FGFR3: variants seen among roughly 807,000 people sequenced by gnomAD.
The protein encoded by FGFR3 is FGFR-3.
Under a neutral mutation model 82.9 loss-of-function variants are expected in FGFR3, and 25 were observed. That is an observed-to-expected ratio of 0.30 (90% CI 0.22 to 0.42). The LOEUF (loss-of-function observed/expected upper bound fraction) is 0.42, where lower values mean the gene tolerates loss of function less well. Among genes scored for constraint, FGFR3 ranks in the 10% least tolerant of loss-of-function variants. FGFR3 has a pLI of 1.00. For missense variants in FGFR3, 1,026 were observed against 1,161.0 expected (o/e 0.88, Z 1.69); for synonymous variants, 620 against 516.0 (o/e 1.20, Z -2.73).
intron 2 of FGFR3, among the ~76,000 whole-genome samples, chr4:1,798,359 G>C (rs573946423): frequency 1.3e-5 from 2 of 152,130 alleles, no homozygotes; most frequent in African/African-American, 4.8e-5. Context: ...TCCACCCCCC[G>C]GCCCCCTTGA....
rs149555011 is a variant in FGFR3, at chr4:1,804,913, C to T, written c.1356C>T (p.Ala452=). 2.6e-6 allele frequency: 4 copies of T among 1,549,906 alleles called. No homozygotes were observed. In the Middle Eastern group the frequency reaches 7.2e-4, roughly 280 times the overall value. ...CCTCAGGGGAGGGCCCCACGCTGGC[C>T]AATGTCTCCGAGCTCGAGCTGCCTG... ...RLSSGEGPTL[A]NVSELELPAD... The change falls in exon 10 of 18, where the codon GCC becomes GCT. Residue 452 remains alanine, a synonymous_variant. Transcript: ENST00000440486.
chr4:1,799,660 A>G, intron 3 of FGFR3, 87 bp from the exon 4 acceptor site: 1 of 1,574,600 alleles, frequency 6.4e-7, no homozygotes, highest in Non-Finnish European at 8.6e-7. Context: ...TGCTGCCCAA[A>G]TGGGGGACCC....
At chr4:1,800,062 C>G (rs1310983324) in intron 4 of FGFR3, among the ~76,000 whole-genome samples, 1 of 152,104 alleles carries the variant, frequency 6.6e-6, no homozygotes, top group South Asian at 2.1e-4. Flanking sequence ...GGCACAGGGC[C>G]CTGGGGGTTC....
chr4:1,805,701 G>C, intron 12 of FGFR3, 32 bp downstream of exon 12: 1 of 1,611,374 alleles, frequency 6.2e-7, no homozygotes, highest in East Asian at 2.2e-5. Flanking sequence ...GTGCCGGCTG[G>C]GCGGCCCTCC....
chr4:1,794,429 G>A (rs962251120), intron 2 of FGFR3, among the ~76,000 whole-genome samples: 1 of 152,202 alleles, frequency 6.6e-6, no homozygotes, highest in Non-Finnish European at 1.5e-5. Flanking sequence ...CCCCTCCCCC[G>A]GGCCCCAGTT....
At chr4:1,794,936 C>T (rs902035980) in intron 2 of FGFR3, among the ~76,000 whole-genome samples, 24 of 151,692 alleles carry the variant, frequency 1.6e-4, no homozygotes, top group Non-Finnish European at 2.2e-4. Flanking sequence ...TTCTTTGTAC[C>T]TCGACGCGGC....
chr4:1,796,951 G>A (rs1374158611), intron 2 of FGFR3, among the ~76,000 whole-genome samples: 1 of 152,184 alleles, frequency 6.6e-6, no homozygotes, highest in African/African-American at 2.4e-5. Flanking sequence ...CACAGCAGAG[G>A]GCTGTCGTTG....
At position 1,802,055 on chromosome 4, in the gene FGFR3, C is replaced by T. The variant is rs777839656; in HGVS notation, c.930+30C>T. On this transcript the variant is annotated intron_variant, in intron 7 of 17. Coordinates refer to ENST00000440486, the MANE Select transcript of FGFR3 (RefSeq NM_000142.5). ...GCCACCGTGTGCACGTGGGTGCCGC[C>T]GCTGGGGCTCCTGGGCTGGCCCCAA... 1.6e-5 allele frequency: 25 copies of T among 1,597,478 alleles called. No individual in the cohort carries two copies. The African/African-American group carries it at 1.7e-4, about 11-fold the overall frequency.
chr4:1,803,213 C>T, intron 7 of FGFR3: 3 of 996,624 alleles, frequency 3.0e-6, no homozygotes, highest in Non-Finnish European at 2.7e-6. Flanking sequence ...CTGGCAGCTC[C>T]AGCCTCCACG....
Position 1,801,393 on chromosome 4 carries a change from C to A in FGFR3, c.472C>A (p.Arg158=). ...TGAPYWTRPE[R]MDKKLLAVPA... is the part of the protein sequence containing the mutation. ...GGCCCCTTACTGGACACGGCCCGAG[C>A]GGATGGACAAGAAGCTGCTGGCCGT... The change falls in exon 5 of 18, where the codon CGG becomes AGG. Residue 158 remains arginine (R), a synonymous_variant. Coordinates refer to ENST00000440486, the MANE Select transcript of FGFR3 (RefSeq NM_000142.5). 1 of 1,556,882 alleles carries A rather than the reference C, an allele frequency of 6.4e-7. No homozygotes were observed.
rs193037830 is a variant in FGFR3, at chr4:1,797,333, G to T, written c.110-1921G>T. Among the ~76,000 whole-genome samples, 26 of 152,236 alleles carry T rather than the reference G, an allele frequency of 1.7e-4. 1 individual carries two copies. Among genetic ancestry groups the T allele is most frequent in the African/African-American group, 6.0e-4 (25 of 41,544 alleles). ...TCACACTGTCCTTCACCTGGTGCTC[G>T]CCACCCAGCCCCTGCTGGGGTACCC... On this transcript the variant is annotated intron_variant, in intron 2 of 17. Transcript: ENST00000440486.
chr4:1,805,029 C>T (rs2108800798), intron 10 of FGFR3, 60 bp downstream of exon 10: 1 of 1,500,636 alleles, frequency 6.7e-7, no homozygotes, highest in Non-Finnish European at 8.9e-7. Context: ...GGTGAAACAG[C>T]CACCAGTCAG....
rs1483509497 is a variant in FGFR3, at chr4:1,805,599, G to A, written c.1575G>A (p.Glu525=). Residue 525 remains glutamate, a synonymous_variant, in exon 12 of 18, where the codon GAG becomes GAA. Transcript: ENST00000440486. ...TDKDLSDLVS[E]MEMMKMIGKH... ...AGGACCTGTCGGACCTGGTGTCTGA[G>A]ATGGAGATGATGAAGATGATCGGGA... 6.2e-7 allele frequency: 1 copy of A among 1,613,228 alleles called. No homozygotes were observed. Among genetic ancestry groups the A allele is most frequent in the Non-Finnish European group, 8.5e-7 (1 of 1,179,818 alleles).
rs587778356 is a variant in FGFR3 at position 1,805,583 on chromosome 4, C to T, written c.1559C>T (p.Ser520Leu). The change falls in exon 12 of 18, where the codon TCG (serine) becomes TTG (leucine). Residue 520 changes from serine (S) to leucine (L), a missense_variant. Coordinates refer to ENST00000440486, the MANE Select transcript of FGFR3 (RefSeq NM_000142.5). ...LKDDATDKDL[S>L]DLVSEMEMMK... ...GACGATGCCACTGACAAGGACCTGT[C>T]GGACCTGGTGTCTGAGATGGAGATG... 34 of 1,613,112 alleles carry T rather than the reference C, an allele frequency of 2.1e-5. No homozygotes were observed. Among genetic ancestry groups the T allele is most frequent in the Middle Eastern group, 1.6e-4 (1 of 6,084 alleles).
rs1166671494 is a variant in FGFR3, at chr4:1,803,721, G to C, written c.960G>C (p.Glu320Asp). The change falls in exon 8 of 18, where the codon GAG becomes GAC. Residue 320 changes from glutamate to aspartate, a missense_variant. Physicochemically the swap from Glu to Asp is conservative, Grantham distance 45. Coordinates refer to ENST00000440486, the MANE Select transcript of FGFR3 (RefSeq NM_000142.5). ...CGGGCGCTAACACCACCGACAAGGA[G>C]CTAGAGGTTCTCTCCTTGCACAACG... is the stretch of plus-strand genomic sequence containing the variant. Reference protein sequence around the residue: ...KTAGANTTDKELEVLSLHNVT... With the variant: ...KTAGANTTDKDLEVLSLHNVT... 6.2e-7 allele frequency: 1 copy of C among 1,613,862 alleles called. No homozygotes were observed. The highest frequency in any genetic ancestry group is 2.2e-5 in the East Asian group (1 of 44,898).
chr4:1,805,745 C>T lies in FGFR3; in HGVS notation c.1646-5C>T, dbSNP rs755403852. 2 of 1,612,432 alleles carry T rather than the reference C, an allele frequency of 1.2e-6. No individual in the cohort carries two copies. The highest frequency in any genetic ancestry group is 1.7e-6 in the Non-Finnish European group (2 of 1,179,644). Reference sequence around the variant, plus strand: ...GCAGCCCGTCTGAGGAGCCCGTGTCCCCAGGGCCCCTGTACGTGCTGGTGG... The same window carrying T: ...GCAGCCCGTCTGAGGAGCCCGTGTCTCCAGGGCCCCTGTACGTGCTGGTGG... On this transcript the variant is annotated splice_region_variant and splice_polypyrimidine_tract_variant and intron_variant, in intron 12 of 17. Transcript: ENST00000440486.
At chr4:1,801,767 GGGTGGGGGCGGCAGTGGC>G (rs1721213366) in intron 6 of FGFR3, 24 bp downstream of exon 6, 1 of 1,592,760 alleles carries the variant, frequency 6.3e-7, no homozygotes. Context: ...GGCGGCGCGG[GGGTGGGGGCGGCAGTGGC>G]GGTGGTGGTG....
Position 1,806,237 on chromosome 4 carries a change from G to A in FGFR3, c.1960-20G>A, listed in dbSNP as rs375201331. Reference sequence around the variant, plus strand: ...CAGTAGGACGCCTGGCGCCAACACCGCCTTCCCACACCCTCCCAGGGCCGG... The same window carrying A: ...CAGTAGGACGCCTGGCGCCAACACCACCTTCCCACACCCTCCCAGGGCCGG... On this transcript the variant is annotated intron_variant, in intron 14 of 17. Transcript: ENST00000440486. The A allele has an allele frequency of 6.8e-6, 11 of 1,612,784 alleles. No homozygotes were observed. Among genetic ancestry groups the A allele is most frequent in the African/African-American group, 2.7e-5 (2 of 74,886 alleles).
intron 7 of FGFR3, chr4:1,803,212 C>T (rs1721422141): frequency 2.0e-6 from 2 of 993,948 alleles, no homozygotes; most frequent in African/African-American, 1.7e-5. Flanking sequence ...GCTGGCAGCT[C>T]CAGCCTCCAC....
Sources: gnomAD v4.1 joint callset for allele counts (sites outside exome capture counted in the v4.1 genomes callset) on GRCh38, gnomAD v4.1.1 for gene constraint, MANE v1.5 for transcripts, NCBI Gene and HGNC (gene_info 2026-07-23, HGNC 2026-07-21) for gene names.